Variants in POLN observed in about 807,000 individuals in gnomAD.
The protein encoded by POLN is DNA polymerase N.
In POLN, 108 loss-of-function variants were observed where a neutral mutation model predicts 113.5. The ratio of observed to expected loss-of-function variants is 0.95; its 90% CI spans 0.81 to 1.12. The LOEUF is 1.12. POLN is among the 50% of genes most tolerant of loss of function. POLN has a pLI of 0.00. For synonymous variants in POLN, 386 were observed against 391.5 expected (o/e 0.99, Z 0.17); for missense variants, 1,097 against 1,077.1 (o/e 1.02, Z -0.26).
intron 20 of POLN, among the ~76,000 whole-genome samples, chr4:2,088,360 T>G (rs1188267478): frequency 6.6e-6 from 1 of 152,190 alleles, no homozygotes; most frequent in Non-Finnish European, 1.5e-5. Context: ...TTTTCGTTTA[T>G]GAACAAAGCA....
intron 20 of POLN, chr4:2,089,019 C>T: frequency 2.3e-6 from 2 of 880,296 alleles, no homozygotes; most frequent in Non-Finnish European, 3.7e-6. Flanking sequence ...TTATCCTTAG[C>T]AAAATTGGAT....
At chr4:2,137,794 C>T (rs529961039) in intron 16 of POLN, among the ~76,000 whole-genome samples, 24 of 152,256 alleles carry the variant, frequency 1.6e-4, no homozygotes, top group South Asian at 4.2e-4. Flanking sequence ...CTGTCTCATG[C>T]CCTCTATCTC....
At chr4:2,099,225 A>G (rs1730867755) in intron 19 of POLN, among the ~76,000 whole-genome samples, 2 of 152,230 alleles carry the variant, frequency 1.3e-5, no homozygotes, top group South Asian at 4.1e-4. Flanking sequence ...ATTAGAGGCT[A>G]TGCTTAGTGA....
At chr4:2,079,402 G>T in intron 23 of POLN, 1 of 980,334 alleles carries the variant, frequency 1.0e-6, no homozygotes, top group Non-Finnish European at 1.2e-6. Flanking sequence ...GACACCATGA[G>T]AACACTGTGG....
chr4:2,097,957 C>T (rs571648402), intron 19 of POLN, among the ~76,000 whole-genome samples: 1 of 152,360 alleles, frequency 6.6e-6, no homozygotes, highest in Admixed American at 6.5e-5. Flanking sequence ...CCCCACCATT[C>T]TTGCTGACAT....
At chr4:2,239,085 A>C in intron 2 of POLN, 2 of 1,059,828 alleles carry the variant, frequency 1.9e-6, no homozygotes, top group Non-Finnish European at 1.3e-6. Context: ...TGTATGCCTA[A>C]ATTTGAAATC....
chr4:2,106,966 T>C (rs1006955590), intron 19 of POLN, among the ~76,000 whole-genome samples: 3 of 152,188 alleles, frequency 2.0e-5, no homozygotes, highest in Non-Finnish European at 4.4e-5. Context: ...AGGACATTTC[T>C]GTATTTACAT....
At chr4:2,147,714 C>T (rs558108335) in intron 16 of POLN, among the ~76,000 whole-genome samples, 1 of 146,136 alleles carries the variant, frequency 6.8e-6, no homozygotes, top group Admixed American at 7.0e-5. Flanking sequence ...GTGATCTTGG[C>T]TCACCGCAAC....
Position 2,176,492 on chromosome 4 carries a change from C to T in POLN, c.1180-158G>A, listed in dbSNP as rs1183378753. Among the ~76,000 whole-genome samples the T allele has an allele frequency of 3.9e-5, 6 of 152,310 alleles. No individual in the cohort carries two copies. In the South Asian group the frequency reaches 1.2e-3, roughly 32 times the overall value. Reference sequence around the variant, plus strand: ...TACGTGGTAGTATCACCAAACACCTCGACTAGACAAGTTCGCATCTGTAGA... The same window carrying T: ...TACGTGGTAGTATCACCAAACACCTTGACTAGACAAGTTCGCATCTGTAGA... On this transcript the variant is annotated intron_variant, in intron 8 of 25. Transcript: ENST00000511885.
Position 2,240,596 on chromosome 4 carries a change from A to C in POLN, c.-13+924T>G, listed in dbSNP as rs757846739. On this transcript the variant is annotated intron_variant, in intron 2 of 25. Transcript: ENST00000511885. ...TCAATTGACATTTATTACGTCGCTG[A>C]ATTTTTAGGTTCTTTAATTTCAGTA... The C allele has an allele frequency of 2.0e-5, 32 of 1,612,358 alleles. No homozygotes were observed. In the African/African-American group the frequency reaches 2.5e-4, roughly 13 times the overall value.
At chr4:2,144,061 T>C (rs770876234) in intron 16 of POLN, among the ~76,000 whole-genome samples, 1 of 151,936 alleles carries the variant, frequency 6.6e-6, no homozygotes. Flanking sequence ...TTTAAATATA[T>C]GATTTTGAAC....
intron 7 of POLN, among the ~76,000 whole-genome samples, chr4:2,183,763 A>G (rs1472345717): frequency 1.3e-5 from 2 of 152,128 alleles, no homozygotes; most frequent in African/African-American, 2.4e-5. Flanking sequence ...CAATTCTGTG[A>G]TTACTTGAAA....
At chr4:2,138,634 G>A (rs1314478960) in intron 16 of POLN, among the ~76,000 whole-genome samples, 2 of 152,178 alleles carry the variant, frequency 1.3e-5, no homozygotes, top group African/African-American at 2.4e-5. Context: ...AGGCACGGTG[G>A]CTCATACCTG....
At position 2,200,352 on chromosome 4, in the gene POLN, G is replaced by C. The variant is rs566660013; in HGVS notation, c.715-1635C>G. 6.8e-4 allele frequency among the ~76,000 whole-genome samples: 103 copies of C among 152,320 alleles called. 1 individual carries two copies. The highest frequency in any genetic ancestry group is 2.4e-3 in the African/African-American group (98 of 41,574). On this transcript the variant is annotated intron_variant, in intron 5 of 25. Transcript: ENST00000511885. ...CTAGATTGCAGCTCCCACTGGGACA[G>C]ACAGAGCAGAGTGTGGAGGCTTGCA...
chr4:2,201,277 C>CAAAAAA (rs35399602), intron 5 of POLN, among the ~76,000 whole-genome samples: 363 of 15,826 alleles, frequency 0.023, 151 homozygotes, highest in African/African-American at 0.1. Context: ...CCTACCACTC[C>CAAAAAA]AAAAAAAAAA....
At chr4:2,107,538 G>A (rs1372088948) in intron 19 of POLN, among the ~76,000 whole-genome samples, 1 of 152,168 alleles carries the variant, frequency 6.6e-6, no homozygotes, top group Non-Finnish European at 1.5e-5. Flanking sequence ...ATTAGGGCAT[G>A]GATTGGGGTT....
intron 2 of POLN, among the ~76,000 whole-genome samples, chr4:2,235,967 A>G (rs1017905118): frequency 3.9e-5 from 6 of 152,082 alleles, no homozygotes; most frequent in Non-Finnish European, 8.8e-5. Flanking sequence ...GGTTTTATTT[A>G]TTTTTTAACA....
chr4:2,160,954 G>C (rs1732572123), intron 13 of POLN, among the ~76,000 whole-genome samples: 1 of 152,210 alleles, frequency 6.6e-6, no homozygotes, highest in Non-Finnish European at 1.5e-5. Flanking sequence ...TGGGGGTCAA[G>C]ATGCACTGGC....
intron 17 of POLN, 127 bp downstream of exon 17, chr4:2,131,106 G>T: frequency 1.6e-6 from 1 of 619,888 alleles, no homozygotes; most frequent in Non-Finnish European, 2.8e-6. Flanking sequence ...AATCACCTGA[G>T]CCCAGGAGGT....
Sources: gnomAD v4.1 joint callset for allele counts (sites outside exome capture counted in the v4.1 genomes callset) on GRCh38, gnomAD v4.1.1 for gene constraint, MANE v1.5 for transcripts, NCBI Gene and HGNC (gene_info 2026-07-23, HGNC 2026-07-21) for gene names.